The following TBCK variants were observed in gnomAD, a reference collection of about 807,000 sequenced individuals.
TBCK encodes TBC domain-containing protein kinase-like protein.
Under a neutral mutation model 113.4 loss-of-function variants are expected in TBCK, and 99 were observed. The observed-to-expected ratio is 0.87, with a 90% confidence interval of 0.74 to 1.03. The LOEUF is 1.03. TBCK is among the 50% of genes least tolerant of loss of function. The pLI is 0.00. For missense variants in TBCK, 1,045 were observed against 1,061.3 expected, an observed-to-expected ratio of 0.98 and a Z score of 0.21; for synonymous variants, 369 against 370.8, an observed-to-expected ratio of 1.00 and a Z score of 0.05.
chr4:106,276,625 G>A (rs1411964990), intron 3 of TBCK, among the ~76,000 whole-genome samples: 1 of 152,166 alleles, frequency 6.6e-6, no homozygotes, highest in Non-Finnish European at 1.5e-5. Flanking sequence ...GCGCAGTGTG[G>A]CTCACGCCTA....
intron 3 of TBCK, among the ~76,000 whole-genome samples, chr4:106,290,199 A>G (rs1250323659): frequency 6.6e-6 from 1 of 152,136 alleles, no homozygotes; most frequent in African/African-American, 2.4e-5. Context: ...TTATTTAGAG[A>G]TGGAGTTTCA....
At chr4:106,260,333 T>TAA in intron 5 of TBCK, 104 bp downstream of exon 5, 1 of 458,024 alleles carries the variant, frequency 2.2e-6, no homozygotes, top group Non-Finnish European at 3.7e-6. Flanking sequence ...AAAAAGCTGT[T>TAA]TGCATATCAA....
intron 3 of TBCK, among the ~76,000 whole-genome samples, chr4:106,277,620 T>C (rs1401084263): frequency 1.3e-5 from 2 of 151,980 alleles, no homozygotes; most frequent in Non-Finnish European, 2.9e-5. Context: ...TCCAATAATA[T>C]AAAGTGCTAG....
intron 23 of TBCK, among the ~76,000 whole-genome samples, chr4:106,117,359 T>C (rs558894365): frequency 1.3e-5 from 2 of 152,332 alleles, no homozygotes; most frequent in Admixed American, 6.5e-5. Context: ...GTGTTGGACT[T>C]TTATAATATA....
intron 20 of TBCK, among the ~76,000 whole-genome samples, chr4:106,201,364 C>A (rs1243700323): frequency 1.3e-5 from 2 of 151,774 alleles, no homozygotes; most frequent in South Asian, 2.1e-4. Flanking sequence ...CATCAAGATA[C>A]AATAATTTTG....
At chr4:106,174,168 T>C (rs1751353949) in intron 22 of TBCK, among the ~76,000 whole-genome samples, 1 of 152,150 alleles carries the variant, frequency 6.6e-6, no homozygotes, top group African/African-American at 2.4e-5. Flanking sequence ...GCTATTGTCC[T>C]GGAACTTCTC....
chr4:106,134,806 G>C (rs1301149750), intron 23 of TBCK, among the ~76,000 whole-genome samples: 1 of 152,184 alleles, frequency 6.6e-6, no homozygotes, highest in Non-Finnish European at 1.5e-5. Context: ...GAGCAGGTGA[G>C]AAGTAGGGAG....
At chr4:106,104,564 C>G (rs545151449) in intron 24 of TBCK, among the ~76,000 whole-genome samples, 1 of 151,986 alleles carries the variant, frequency 6.6e-6, no homozygotes, top group Admixed American at 6.5e-5. Context: ...TGTACAAGTG[C>G]CTTTAAACCA....
chr4:106,309,405 C>T (rs572965240), intron 1 of TBCK, among the ~76,000 whole-genome samples: 4 of 150,566 alleles, frequency 2.7e-5, no homozygotes, highest in Admixed American at 1.3e-4. Context: ...CTCTGCCTCC[C>T]GGGTTCAAGC....
intron 10 of TBCK, 44 bp from the exon 11 acceptor site, chr4:106,244,808 CT>C: frequency 7.7e-7 from 1 of 1,295,582 alleles, no homozygotes; most frequent in South Asian, 1.5e-5. Flanking sequence ...ATATTTTCTA[CT>C]TTTATTAAAC....
At chr4:106,108,345 G>A (rs969724725) in intron 24 of TBCK, among the ~76,000 whole-genome samples, 1 of 152,152 alleles carries the variant, frequency 6.6e-6, no homozygotes, top group African/African-American at 2.4e-5. Flanking sequence ...GAATGTCGAT[G>A]CAAAAATCCT....
At chr4:106,221,388 A>G (rs1338025430) in intron 19 of TBCK, among the ~76,000 whole-genome samples, 1 of 152,106 alleles carries the variant, frequency 6.6e-6, no homozygotes, top group East Asian at 1.9e-4. Context: ...ATTAAAAGTT[A>G]TATGTTATAT....
rs191637411 is a variant in TBCK at position 106,069,890 on chromosome 4, C to T, written c.2572-23210G>A. Among the ~76,000 whole-genome samples the T allele has an allele frequency of 3.3e-3, 507 of 152,222 alleles. 2 individuals carry two copies. Among genetic ancestry groups the T allele is most frequent in the African/African-American group, 0.011 (466 of 41,540 alleles). ...TTGTAAGTTGGATTCCTAGGTATTT[C>T]ATTCTCTTTGTAGCAGTTGTGAATG... On this transcript the variant is annotated intron_variant, in intron 25 of 25. Transcript: ENST00000394708.
chr4:106,123,454 A>C (rs1310899315), intron 23 of TBCK, among the ~76,000 whole-genome samples: 1 of 152,180 alleles, frequency 6.6e-6, no homozygotes, highest in African/African-American at 2.4e-5. Flanking sequence ...TGCCCAAGGT[A>C]ATTTACAGAT....
At chr4:106,055,404 GGAAA>G (rs1164001066) in intron 25 of TBCK, among the ~76,000 whole-genome samples, 2 of 151,336 alleles carry the variant, frequency 1.3e-5, no homozygotes, top group Non-Finnish European at 3.0e-5. Flanking sequence ...AAGGATTAAA[GGAAA>G]GAAAGATAAT....
At chr4:106,253,409 G>A (rs1284227314) in intron 5 of TBCK, among the ~76,000 whole-genome samples, 1 of 151,996 alleles carries the variant, frequency 6.6e-6, no homozygotes, top group African/African-American at 2.4e-5. Flanking sequence ...TATGAACAAC[G>A]TTGCACAGAA....
chr4:106,076,117 C>G (rs1738162374), intron 25 of TBCK, among the ~76,000 whole-genome samples: 1 of 152,134 alleles, frequency 6.6e-6, no homozygotes, highest in Admixed American at 6.5e-5. Context: ...TAGAGGATGG[C>G]AGGGGGCCAT....
At chr4:106,114,480 A>G (rs1457893937) in intron 24 of TBCK, among the ~76,000 whole-genome samples, 1 of 152,184 alleles carries the variant, frequency 6.6e-6, no homozygotes, top group Non-Finnish European at 1.5e-5. Flanking sequence ...AGCCTTTGTC[A>G]TTAAATCTGT....
At chr4:106,170,709 A>G (rs1301870436) in intron 23 of TBCK, among the ~76,000 whole-genome samples, 1 of 152,040 alleles carries the variant, frequency 6.6e-6, no homozygotes, top group Non-Finnish European at 1.5e-5. Flanking sequence ...CCTACATGGC[A>G]TAGTTTTACA....
Sources: gnomAD v4.1 joint callset for allele counts (sites outside exome capture counted in the v4.1 genomes callset) on GRCh38, gnomAD v4.1.1 for gene constraint, MANE v1.5 for transcripts, NCBI Gene and HGNC (gene_info 2026-07-23, HGNC 2026-07-21) for gene names.